The following CYP11B2 variants were observed in gnomAD, a reference collection of about 807,000 sequenced individuals.
The protein encoded by CYP11B2 is cytochrome P450 11B2, mitochondrial.
A neutral mutation model predicts 49.3 loss-of-function variants in CYP11B2; 38 were observed. The ratio of observed to expected loss-of-function variants is 0.77; its 90% CI spans 0.59 to 1.01. The LOEUF is 1.01. Ranked by LOEUF, CYP11B2 falls within the 50% of genes least tolerant of loss-of-function variation. The pLI is 0.00. For synonymous variants in CYP11B2, 290 were observed against 269.3 expected, an observed-to-expected ratio of 1.08 and a Z score of -0.75; for missense variants, 669 against 655.5, an observed-to-expected ratio of 1.02 and a Z score of -0.23.
Position 142,914,837 on chromosome 8 carries a change from A to G in CYP11B2, c.667T>C (p.Phe223Leu). The G allele has an allele frequency of 6.2e-7, 1 of 1,613,770 alleles. No individual in the cohort carries two copies. ...GHSPSSASLN[F>L]LHALEVMFKS... Reference sequence around the variant, plus strand: ...AACATGACCTCCAGGGCATGGAGGAAGTTCAGGCTGGCAGAACTGGGGCTG... The same window carrying G: ...AACATGACCTCCAGGGCATGGAGGAGGTTCAGGCTGGCAGAACTGGGGCTG... The change falls in exon 4 of 9, where the codon TTC (phenylalanine) becomes CTC (leucine). Residue 223 changes from phenylalanine (F) to leucine (L), a missense_variant. By Grantham distance (22) the Phe-to-Leu change is conservative. Transcript: ENST00000323110.
At chr8:142,915,305 T>A in intron 2 of CYP11B2, 60 bp from the exon 3 acceptor site, 5 of 1,422,704 alleles carry the variant, frequency 3.5e-6, no homozygotes, top group Non-Finnish European at 4.9e-6. Context: ...CCCTGACCCG[T>A]ATCCCATCCT....
chr8:142,913,364 C>T lies in CYP11B2; in HGVS notation c.1042G>A (p.Ala348Thr), dbSNP rs757939380. ...QILRQESLAA[A>T]ASISEHPQKA... ...TGGGGATGTTCACTGATGCTGGCTG[C>T]GGCGGCCAGGCTCTCCTGGCGCAGG... is the stretch of plus-strand genomic sequence containing the variant. Residue 348 changes from alanine to threonine, a missense_variant, in exon 6 of 9, where the codon GCA becomes ACA. Physicochemically the swap from Ala to Thr is moderately conservative, Grantham distance 58. Transcript: ENST00000323110. The T allele has an allele frequency of 8.1e-6, 13 of 1,613,778 alleles. No individual in the cohort carries two copies. Among genetic ancestry groups the T allele is most frequent in the South Asian group, 4.4e-5 (4 of 91,080 alleles).
intron 5 of CYP11B2, 138 bp downstream of exon 5, chr8:142,914,126 G>A: frequency 1.0e-6 from 1 of 966,544 alleles, no homozygotes; most frequent in Non-Finnish European, 1.6e-6. Context: ...CAAAGGAGGG[G>A]GAAGGCTGAG....
Position 142,917,663 on chromosome 8 carries a change from C to T in CYP11B2, c.178G>A (p.Gly60Ser), listed in dbSNP as rs1817671838. The T allele has an allele frequency of 1.9e-6, 3 of 1,614,254 alleles. No individual in the cohort carries two copies. The highest frequency in any genetic ancestry group is 1.3e-5 in the African/African-American group (1 of 75,072). ...LRLLQIWREQ[G>S]YEHLHLEMHQ... Reference sequence around the variant, plus strand: ...ATCTCCAGGTGCAGGTGCTCATAACCCTGCTCCCTCCAGATCTGCAGCAGC... The same window carrying T: ...ATCTCCAGGTGCAGGTGCTCATAACTCTGCTCCCTCCAGATCTGCAGCAGC... Residue 60 changes from glycine to serine, a missense_variant, in exon 1 of 9, where the codon GGT becomes AGT. By Grantham distance (56) the Gly-to-Ser change is moderately conservative (BLOSUM62 0). Coordinates refer to ENST00000323110, the MANE Select transcript of CYP11B2 (RefSeq NM_000498.3).
chr8:142,915,456 G>T (rs1162059570), intron 2 of CYP11B2, among the ~76,000 whole-genome samples: 1 of 151,198 alleles, frequency 6.6e-6, no homozygotes, highest in Non-Finnish European at 1.5e-5. Flanking sequence ...AAGCAGGGAT[G>T]AGATGGTAGC....
intron 6 of CYP11B2, 24 bp downstream of exon 6, chr8:142,913,261 A>G: frequency 5.6e-6 from 9 of 1,611,016 alleles, no homozygotes; most frequent in Non-Finnish European, 7.6e-6. Flanking sequence ...CCAGGGCCAC[A>G]GGGAGGCCTC....
At position 142,914,409 on chromosome 8, in the gene CYP11B2, C is replaced by G; in HGVS notation, c.809G>C (p.Cys270Ser). Residue 270 changes from cysteine (C) to serine (S), a missense_variant, in exon 5 of 9, where the codon TGT becomes TCT. Transcript: ENST00000323110. The stretch of plus-strand genomic sequence containing the variant: ...CAGTTCCTGGTAGATTTTCTGGATA[C>G]AGTTGTCACCTGTCCAGGGAGCAGG... ...WDCIFQYGDNCIQKIYQELAF... is the reference protein window; with the variant it reads ...WDCIFQYGDNSIQKIYQELAF... The G allele has an allele frequency of 6.2e-7, 1 of 1,612,448 alleles. No homozygotes were observed. The highest frequency in any genetic ancestry group is 2.2e-5 in the East Asian group (1 of 44,842).
At chr8:142,915,606 T>C (rs1817631185) in intron 2 of CYP11B2, among the ~76,000 whole-genome samples, 1 of 129,956 alleles carries the variant, frequency 7.7e-6, no homozygotes, top group Non-Finnish European at 1.9e-5. Flanking sequence ...TGACCCCTGT[T>C]GTCAAGCTTT....
At chr8:142,916,475 C>T (rs190675966) in intron 2 of CYP11B2, 53 of 455,070 alleles carry the variant, frequency 1.2e-4, no homozygotes, top group Admixed American at 5.0e-4. Context: ...ACCCTCTCCA[C>T]GGGCCAGGAA....
At chr8:142,913,895 A>G (rs1211978469) in intron 5 of CYP11B2, 5 of 493,574 alleles carry the variant, frequency 1.0e-5, no homozygotes, top group Non-Finnish European at 2.0e-5. Flanking sequence ...GTGACCGGGC[A>G]CACTGGGAAG....
intron 6 of CYP11B2, 140 bp downstream of exon 6, chr8:142,913,145 G>C: frequency 4.0e-6 from 4 of 998,750 alleles, no homozygotes; most frequent in East Asian, 2.6e-5. Flanking sequence ...CTGTCCTTGA[G>C]GGGGAGGAAG....
Position 142,915,185 on chromosome 8 carries a change from C to G in CYP11B2, c.456G>C (p.Lys152Asn), listed in dbSNP as rs552105650. ...CCATCGGGAGGAACCTCTGCACGGC[C>G]TTGGGCGACAGCACATCTGGGTTCA... ...LRLNPDVLSP[K>N]AVQRFLPMVD... The change falls in exon 3 of 9, where the codon AAG becomes AAC. Residue 152 changes from lysine (K) to asparagine (N), a missense_variant. Lys to Asn is a moderately conservative substitution (Grantham distance 94). Coordinates refer to ENST00000323110, the MANE Select transcript of CYP11B2 (RefSeq NM_000498.3). 8.7e-6 allele frequency: 14 copies of G among 1,614,080 alleles called. No homozygotes were observed. The highest frequency in any genetic ancestry group is 4.0e-5 in the African/African-American group (3 of 75,072).
rs761897580 is a variant in CYP11B2, at chr8:142,913,330, G to T, written c.1076C>A (p.Thr359Asn). The change falls in exon 6 of 9, where the codon ACC becomes AAC. Residue 359 changes from threonine to asparagine, a missense_variant. Thr to Asn is a moderately conservative substitution (Grantham distance 65). Coordinates refer to ENST00000323110, the MANE Select transcript of CYP11B2 (RefSeq NM_000498.3). ...CGCCCGCAGCAAGGGCAGCTCGGTGGTTGCCTTCTGGGGATGTTCACTGAT... is the reference window on the plus strand; with the variant it reads ...CGCCCGCAGCAAGGGCAGCTCGGTGTTTGCCTTCTGGGGATGTTCACTGAT... ...ASISEHPQKA[T>N]TELPLLRAAL... The T allele has an allele frequency of 1.9e-5, 30 of 1,613,914 alleles. No homozygotes were observed. The highest frequency in any genetic ancestry group is 1.3e-4 in the Admixed American group (8 of 60,002).
rs767762322 is a variant in CYP11B2 at position 142,917,221 on chromosome 8, GGCC to G, written c.240-10_240-8del. 3 of 1,613,768 alleles carry G rather than the reference GGCC, an allele frequency of 1.9e-6. No individual in the cohort carries two copies. The highest frequency in any genetic ancestry group is 2.5e-6 in the Non-Finnish European group (3 of 1,179,934). On this transcript the variant is annotated splice_polypyrimidine_tract_variant and splice_region_variant and intron_variant, in intron 1 of 8. Coordinates refer to ENST00000323110, the MANE Select transcript of CYP11B2 (RefSeq NM_000498.3). ...TGGTCCTCCCAAGTTGTACCTGTGG[GGCC>G]AAGCAGGAGGCCCTGCTGGACGGGG...
At position 142,911,709 on chromosome 8, in the gene CYP11B2, G is replaced by C; in HGVS notation, c.*271C>G. On this transcript the variant is annotated 3_prime_UTR_variant, in exon 9 of 9. Transcript: ENST00000323110. ...TGGGAGTAGAGTCAAGCTGTCCAGA[G>C]GGCACTGCTTGCTGGAGAAGGGGCC... The C allele has an allele frequency of 2.0e-6, 1 of 507,356 alleles. No homozygotes were observed. Among genetic ancestry groups the C allele is most frequent in the East Asian group, 3.7e-5 (1 of 27,220 alleles). The allele number at this position is 507,356 out of a possible 1,614,324, so 31.4% of individuals were successfully genotyped here.
In CYP11B2 at chr8:142,911,669, G is replaced by A. The variant is rs1817537349; in HGVS notation, c.*311C>T. 1 of 390,070 alleles carries A rather than the reference G, an allele frequency of 2.6e-6. No homozygotes were observed. Among genetic ancestry groups the A allele is most frequent in the Non-Finnish European group, 4.5e-6 (1 of 220,738 alleles). 24.2% of individuals were successfully genotyped at this position (390,070 alleles called of 1,614,324 possible). On this transcript the variant is annotated 3_prime_UTR_variant, in exon 9 of 9. Transcript: ENST00000323110. Reference sequence around the variant, plus strand: ...GCACCCTTGCATGGCCTCATGAGGAGCCTGGAGCCAGCGCTGGGAGTAGAG... The same window carrying A: ...GCACCCTTGCATGGCCTCATGAGGAACCTGGAGCCAGCGCTGGGAGTAGAG...
In CYP11B2 at chr8:142,911,279, C is replaced by A. The variant is rs1421129472; in HGVS notation, c.*701G>T. ...ACAGCTCAGGAAGCAGAGGACCCAA[C>A]ACTCGCTGCTTGAACAAGACCTGGT... On this transcript the variant is annotated 3_prime_UTR_variant, in exon 9 of 9. Transcript: ENST00000323110. The A allele has an allele frequency of 6.6e-6, 1 of 152,544 alleles. No homozygotes were observed. The highest frequency in any genetic ancestry group is 1.5e-5 in the Non-Finnish European group (1 of 68,376). 9.4% of individuals were successfully genotyped at this position (152,544 alleles called of 1,614,324 possible).
chr8:142,910,834 C>G lies in CYP11B2; in HGVS notation c.*1146G>C, dbSNP rs1160990122. The stretch of plus-strand genomic sequence containing the variant: ...CCCCTTTCATGGGGGAACAAACGCT[C>G]TGATCCTCATCAGCTACCAGGAGCT... On this transcript the variant is annotated 3_prime_UTR_variant, in exon 9 of 9. Transcript: ENST00000323110. The surrounding 1 kb of genome is among the most constrained non-coding windows in gnomAD (Gnocchi z 4.6). The G allele has an allele frequency of 6.6e-6, 1 of 152,222 alleles. No individual in the cohort carries two copies. Among genetic ancestry groups the G allele is most frequent in the East Asian group, 1.9e-4 (1 of 5,180 alleles). 9.4% of individuals were successfully genotyped at this position (152,222 alleles called of 1,614,324 possible). A position where few individuals can be genotyped will look rare whatever the true frequency, so the allele number is the denominator to read the frequency against.
rs372360293 is a variant in CYP11B2 at position 142,912,912 on chromosome 8, G to A, written c.1122-27C>T. ...TGGAGGTGGGGGCATCCATAGAAAG[G>A]GTCCTCAGCTGGATGGGGCTTCCTG... On this transcript the variant is annotated intron_variant, in intron 6 of 8. Coordinates refer to ENST00000323110, the MANE Select transcript of CYP11B2 (RefSeq NM_000498.3). The A allele has an allele frequency of 1.4e-5, 22 of 1,603,036 alleles. No homozygotes were observed. In the African/African-American group the frequency reaches 2.3e-4, roughly 17 times the overall value.
Sources: gnomAD v4.1 joint callset for allele counts (sites outside exome capture counted in the v4.1 genomes callset) on GRCh38, gnomAD v4.1.1 for gene constraint, Gnocchi (gnomAD v3.1) non-coding constraint, MANE v1.5 for transcripts, NCBI Gene and HGNC (gene_info 2026-07-23, HGNC 2026-07-21) for gene names.